UNC13C: variants seen among roughly 807,000 people sequenced by gnomAD.
UNC13C encodes protein unc-13 homolog C.
A neutral mutation model predicts 245.4 loss-of-function variants in UNC13C; 174 were observed. The ratio of observed to expected loss-of-function variants is 0.71; its 90% confidence interval spans 0.63 to 0.80. The LOEUF (loss-of-function observed/expected upper bound fraction) is 0.80, where lower values mean the gene tolerates loss of function less well. Ranked by LOEUF, UNC13C falls within the 30% of genes least tolerant of loss-of-function variation. The pLI is 0.00. For missense variants in UNC13C, 2,829 were observed against 2,602.9 expected, an observed-to-expected ratio of 1.09 and a Z score of -1.89; for synonymous variants, 992 against 895.1, an observed-to-expected ratio of 1.11 and a Z score of -1.93.
intron 2 of UNC13C, among the ~76,000 whole-genome samples, chr15:54,125,177 T>A (rs2030951722): frequency 6.6e-6 from 1 of 152,166 alleles, no homozygotes; most frequent in Non-Finnish European, 1.5e-5. Context: ...TAAAAATAAT[T>A]CTAGGGCCGG....
intron 19 of UNC13C, among the ~76,000 whole-genome samples, chr15:54,448,734 C>T (rs961115614): frequency 2.0e-5 from 3 of 152,134 alleles, no homozygotes; most frequent in Non-Finnish European, 4.4e-5. Flanking sequence ...ATCCAATTTG[C>T]CAGTCTGTGT....
chr15:54,368,242 G>T (rs2039409870), intron 17 of UNC13C, among the ~76,000 whole-genome samples: 2 of 152,080 alleles, frequency 1.3e-5, no homozygotes, highest in Non-Finnish European at 2.9e-5. Flanking sequence ...GAAGAGTCAT[G>T]TTATCTAAAG....
In UNC13C at chr15:54,048,719, A is replaced by G. The variant is rs910005103; in HGVS notation, c.2983+32833A>G. Reference sequence around the variant, plus strand: ...GTCTTACATCATCTTCCCATTTTGAACTGCCTCCATATTCAGGGAGAATAA... The same window carrying G: ...GTCTTACATCATCTTCCCATTTTGAGCTGCCTCCATATTCAGGGAGAATAA... On this transcript the variant is annotated intron_variant, in intron 2 of 32. Transcript: ENST00000260323. 3.9e-5 allele frequency: 11 copies of G among 284,338 alleles called. No homozygotes were observed. In the East Asian group the frequency reaches 6.3e-4, roughly 16 times the overall value. 17.6% of individuals were successfully genotyped at this position (284,338 alleles called of 1,614,324 possible). A position where few individuals can be genotyped will look rare whatever the true frequency, so the allele number is the denominator to read the frequency against.
intron 4 of UNC13C, among the ~76,000 whole-genome samples, chr15:54,217,557 G>A (rs184291752): frequency 1.3e-5 from 2 of 151,992 alleles, no homozygotes; most frequent in Admixed American, 6.6e-5. Context: ...ATACCACAGG[G>A]CAGCAGGTGG....
chr15:54,273,609 A>G (rs745609558), intron 10 of UNC13C, among the ~76,000 whole-genome samples: 7 of 152,212 alleles, frequency 4.6e-5, no homozygotes, highest in Non-Finnish European at 8.8e-5. Context: ...TCTTAAAACT[A>G]TCACTTGTAT....
downstream of UNC13C, chr15:54,631,935 A>C (rs894962696): frequency 2.6e-5 from 4 of 152,144 alleles, no homozygotes; most frequent in Non-Finnish European, 5.9e-5. Flanking sequence ...AGTAGTTGTA[A>C]AATTTTACAT....
At chr15:54,245,855 A>C (rs2035976789) in intron 7 of UNC13C, among the ~76,000 whole-genome samples, 1 of 152,092 alleles carries the variant, frequency 6.6e-6, no homozygotes, top group African/African-American at 2.4e-5. Flanking sequence ...GGGTATAGGA[A>C]AGGTGTGGCT....
intron 4 of UNC13C, among the ~76,000 whole-genome samples, chr15:54,224,161 A>C (rs916435798): frequency 6.6e-6 from 1 of 152,118 alleles, no homozygotes; most frequent in Non-Finnish European, 1.5e-5. Flanking sequence ...TAGGACTTCC[A>C]GTACTACGTT....
At chr15:54,182,401 A>G (rs1194863852) in intron 4 of UNC13C, among the ~76,000 whole-genome samples, 3 of 152,088 alleles carry the variant, frequency 2.0e-5, no homozygotes, top group African/African-American at 4.8e-5. Flanking sequence ...ATCATGGTGA[A>G]TTAACTTTTT....
At chr15:53,976,702 TG>T (rs1310454715), upstream of UNC13C, 1 of 152,096 alleles carries the variant, frequency 6.6e-6, no homozygotes, top group African/African-American at 2.4e-5. Flanking sequence ...TATTTCCTTC[TG>T]TAGGTTTAAA....
At chr15:54,632,054 C>T (rs1901466319), downstream of UNC13C, 1 of 152,184 alleles carries the variant, frequency 6.6e-6, no homozygotes, top group African/African-American at 2.4e-5. Flanking sequence ...AATAGCATCT[C>T]AACATGCCTT....
At chr15:53,999,751 T>C (rs1894799714) in intron 1 of UNC13C, among the ~76,000 whole-genome samples, 1 of 152,088 alleles carries the variant, frequency 6.6e-6, no homozygotes, top group African/African-American at 2.4e-5. Context: ...TTTTAAATTA[T>C]TCATTTCAAA....
At chr15:54,417,346 C>G (rs1045393846) in intron 19 of UNC13C, among the ~76,000 whole-genome samples, 1 of 152,094 alleles carries the variant, frequency 6.6e-6, no homozygotes, top group Admixed American at 6.5e-5. Flanking sequence ...ATTCCAAGAG[C>G]TCAACACCTT....
chr15:54,309,470 T>TGATTGTTTCCTTTACTGTGAA (rs1358830663), intron 13 of UNC13C, among the ~76,000 whole-genome samples: 1 of 151,976 alleles, frequency 6.6e-6, no homozygotes, highest in East Asian at 1.9e-4. Flanking sequence ...CTCACTTTGT[T>TGATTGTTTCCTTTACTGTGAA]GATTGTTTCC....
chr15:54,520,874 G>A (rs1895188118), intron 24 of UNC13C, among the ~76,000 whole-genome samples: 1 of 152,174 alleles, frequency 6.6e-6, no homozygotes, highest in South Asian at 2.1e-4. Context: ...GTCTGACACT[G>A]TTGTAAGCAG....
intron 2 of UNC13C, among the ~76,000 whole-genome samples, chr15:54,080,147 T>G (rs1317861533): frequency 6.6e-6 from 1 of 152,010 alleles, no homozygotes. Context: ...TGTTGAATCA[T>G]CCTTGCATCC....
intron 30 of UNC13C, among the ~76,000 whole-genome samples, chr15:54,606,745 T>G (rs569486236): frequency 6.6e-6 from 1 of 152,306 alleles, no homozygotes; most frequent in South Asian, 2.1e-4. Flanking sequence ...TAAATCTCAG[T>G]CTTGAGCATC....
chr15:54,539,430 T>C (rs1351225383), intron 26 of UNC13C, among the ~76,000 whole-genome samples: 2 of 152,094 alleles, frequency 1.3e-5, no homozygotes, highest in East Asian at 3.9e-4. Flanking sequence ...TCCTCATTTC[T>C]TTAGTTAGTT....
intron 2 of UNC13C, among the ~76,000 whole-genome samples, chr15:54,024,936 AAT>A (rs1896047911): frequency 1.7e-5 from 2 of 118,706 alleles, no homozygotes; most frequent in Non-Finnish European, 4.0e-5. Flanking sequence ...AATAAAAAAT[AAT>A]AAAAAAATGC....
Sources: allele counts gnomAD v4.1 joint callset (sites outside exome capture counted in the v4.1 genomes callset), GRCh38; gene constraint gnomAD v4.1.1; transcripts MANE v1.5; gene names NCBI Gene and HGNC (gene_info 2026-07-23, HGNC 2026-07-21).